USP11: variants seen among roughly 807,000 people sequenced by gnomAD.
The protein encoded by USP11 is ubiquitin specific peptidase 11.
Under a neutral mutation model 72.8 loss-of-function variants are expected in USP11, and 5 were observed. The ratio of observed to expected loss-of-function variants is 0.07; its 90% CI spans 0.04 to 0.14. The LOEUF (loss-of-function observed/expected upper bound fraction) is 0.14, where lower values mean the gene tolerates loss of function less well. USP11 is among the 10% of genes least tolerant of loss of function. The pLI, the probability that USP11 is intolerant of heterozygous loss-of-function variation, is 1.00. For synonymous variants in USP11, 368 were observed against 326.5 expected (o/e 1.13, Z -1.37); for missense variants, 480 against 794.7 (o/e 0.60, Z 4.76).
At position 47,240,840 on chromosome X, in the gene USP11, T is replaced by C; in HGVS notation, c.810T>C (p.Asn270=). 2 of 1,211,394 alleles carry C rather than the reference T, an allele frequency of 1.7e-6. No homozygotes were observed. Among genetic ancestry groups the C allele is most frequent in the Non-Finnish European group, 2.2e-6 (2 of 895,301 alleles). The change falls in exon 7 of 21, where the codon AAT becomes AAC. Residue 270 remains asparagine, a synonymous_variant. Coordinates refer to ENST00000377107, the MANE Select transcript of USP11 (RefSeq NM_001371072.1). ...AGCCAGGCATCTGTGGCCTCACCAATCTGGGCAACACGTGCTTCATGAACT... is the reference window on the plus strand; with the variant it reads ...AGCCAGGCATCTGTGGCCTCACCAACCTGGGCAACACGTGCTTCATGAACT... The part of the protein sequence containing the change: ...KGQPGICGLT[N]LGNTCFMNSA...
rs1277204724 is a variant in USP11, at chrX:47,247,593, ACT to A, written c.2537-14_2537-13del. The A allele has an allele frequency of 1.7e-6, 2 of 1,203,758 alleles. No individual in the cohort carries two copies. The highest frequency in any genetic ancestry group is 1.8e-5 in the African/African-American group (1 of 56,354). ...GAGGCAGGAAGGGTAGGCGAGGATA[ACT>A]CTCCTTCCCTTTCAGACACAACATT... On this transcript the variant is annotated splice_polypyrimidine_tract_variant and intron_variant, in intron 19 of 20. Transcript: ENST00000377107.
chrX:47,237,151 A>T (rs899013493), intron 1 of USP11, among the ~76,000 whole-genome samples: 1 of 111,877 alleles, frequency 8.9e-6, no homozygotes, highest in African/African-American at 3.3e-5. Flanking sequence ...AGCAGTGCCT[A>T]CCTTTGCATT....
chrX:47,240,247 T>C, intron 4 of USP11, 58 bp from the exon 5 acceptor site: 2 of 1,185,269 alleles, frequency 1.7e-6, no homozygotes, highest in Admixed American at 2.3e-5. Context: ...TATGCCCAGA[T>C]GGATTGATCA....
chrX:47,243,759 C>T (rs1415063575), intron 13 of USP11, among the ~76,000 whole-genome samples, 157 bp downstream of exon 13: 2 of 111,939 alleles, frequency 1.8e-5, no homozygotes, highest in East Asian at 5.6e-4. Context: ...TTTCTCTAGA[C>T]CTCTGGCTTT....
intron 13 of USP11, 64 bp downstream of exon 13, chrX:47,243,666 C>T: frequency 9.4e-7 from 1 of 1,062,831 alleles, no homozygotes; most frequent in Non-Finnish European, 1.3e-6. Context: ...GGGTGTTTAG[C>T]TGCTTATTTG....
chrX:47,241,121 A>G, intron 7 of USP11, 156 bp from the exon 8 acceptor site: 1 of 608,779 alleles, frequency 1.6e-6, no homozygotes, highest in Non-Finnish European at 2.5e-6. Flanking sequence ...TGAAATCCTA[A>G]TGCCTTCTCT....
At chrX:47,244,206 C>T (rs1260603350) in intron 13 of USP11, among the ~76,000 whole-genome samples, 1 of 105,550 alleles carries the variant, frequency 9.5e-6, no homozygotes, top group Non-Finnish European at 1.9e-5. Context: ...TCAAGCGATT[C>T]TCCTGCCTCA....
Position 47,241,287 on chromosome X carries a change from A to G in USP11, c.857A>G (p.Asn286Ser), listed in dbSNP as rs779507275. The G allele has an allele frequency of 8.3e-7, 1 of 1,206,332 alleles. No individual in the cohort carries two copies. Among genetic ancestry groups the G allele is most frequent in the South Asian group, 1.8e-5 (1 of 55,761 alleles). Residue 286 changes from asparagine to serine, a missense_variant, in exon 8 of 21, where the codon AAT becomes AGT. Asn to Ser is a conservative substitution (Grantham distance 46). Coordinates refer to ENST00000377107, the MANE Select transcript of USP11 (RefSeq NM_001371072.1). ...CTCTGGCCTCTGCAGTGCCTCAGCAATGTGCCACAGCTCACCGAGTACTTC... is the reference window on the plus strand; with the variant it reads ...CTCTGGCCTCTGCAGTGCCTCAGCAGTGTGCCACAGCTCACCGAGTACTTC... ...FMNSALQCLS[N>S]VPQLTEYFLN...
In USP11 at chrX:47,247,867, T is replaced by G. The variant is rs1450340674; in HGVS notation, c.2700T>G (p.Ser900=). The G allele has an allele frequency of 8.3e-7, 1 of 1,202,659 alleles. No individual in the cohort carries two copies. The highest frequency in any genetic ancestry group is 1.1e-6 in the Non-Finnish European group (1 of 893,134). Residue 900 remains serine (S), a synonymous_variant, in exon 21 of 21, where the codon TCT becomes TCG. Coordinates refer to ENST00000377107, the MANE Select transcript of USP11 (RefSeq NM_001371072.1). ...ARRLLSPAGS[S]GAPASPACSS... ...GCCTGCTGTCCCCGGCCGGCTCATC[T>G]GGCGCCCCAGCCTCCCCTGCCTGCA...
intron 19 of USP11, 82 bp downstream of exon 19, chrX:47,247,501 G>T: frequency 8.6e-7 from 1 of 1,161,102 alleles, no homozygotes; most frequent in South Asian, 1.8e-5. Flanking sequence ...GAGTGACTAG[G>T]GATGTGAGCC....
chrX:47,243,284 T>A (rs2055413593), intron 12 of USP11, 112 bp from the exon 13 acceptor site: 14 of 699,262 alleles, frequency 2.0e-5, no homozygotes, highest in South Asian at 9.9e-5. Context: ...AATAAATAAA[T>A]AAAAATAAAA....
chrX:47,238,187 CT>C (rs756979418), intron 1 of USP11, among the ~76,000 whole-genome samples: 1,125 of 84,315 alleles, frequency 0.013, 4 homozygotes, highest in Middle Eastern at 0.047. Flanking sequence ...ATATGCAGTT[CT>C]TTTTTTTTTT....
At chrX:47,243,933 C>G (rs946653190) in intron 13 of USP11, among the ~76,000 whole-genome samples, 2 of 110,925 alleles carry the variant, frequency 1.8e-5, no homozygotes, top group Non-Finnish European at 3.8e-5. Context: ...TGCCTAAAAT[C>G]TAGAGTCTTT....
chrX:47,247,729 C>G (rs752814951), intron 20 of USP11, 30 bp downstream of exon 20: 1 of 1,210,139 alleles, frequency 8.3e-7, no homozygotes, highest in Non-Finnish European at 1.1e-6. Context: ...TCCTCCCCTT[C>G]TTCCTTTCTG....
chrX:47,239,268 T>C (rs759075581), intron 2 of USP11, 83 bp from the exon 3 acceptor site: 1 of 1,177,668 alleles, frequency 8.5e-7, no homozygotes, highest in East Asian at 3.1e-5. Context: ...TTCTGTGTGC[T>C]AGGTCACTGG....
chrX:47,248,255 G>C lies in USP11; in HGVS notation c.*325G>C. On this transcript the variant is annotated 3_prime_UTR_variant, in exon 21 of 21. Coordinates refer to ENST00000377107, the MANE Select transcript of USP11 (RefSeq NM_001371072.1). ...GGTGATGGGGGTTCACCTGAACACA[G>C]AGTGTATTTTCTTATTGAGGCCCTG... 1 of 259,672 alleles carries C rather than the reference G, an allele frequency of 3.9e-6. No homozygotes were observed. Among genetic ancestry groups the C allele is most frequent in the Non-Finnish European group, 6.7e-6 (1 of 148,267 alleles). The allele number at this position is 259,672 out of a possible 1,213,427, so 21.4% of individuals were successfully genotyped here. A position where few individuals can be genotyped will look rare whatever the true frequency, so the allele number is the denominator to read the frequency against.
chrX:47,240,562 C>T (rs747895097), intron 5 of USP11, 25 bp from the exon 6 acceptor site: 35 of 1,209,868 alleles, frequency 2.9e-5, no homozygotes, highest in Non-Finnish European at 3.7e-5. Flanking sequence ...TAATACCTTT[C>T]CTTCTTTCTC....
chrX:47,242,705 G>A lies in USP11; in HGVS notation c.1568G>A (p.Arg523His). The A allele has an allele frequency of 8.3e-7, 1 of 1,206,771 alleles. No homozygotes were observed. Among genetic ancestry groups the A allele is most frequent in the Non-Finnish European group, 1.1e-6 (1 of 890,870 alleles). ...GAGCCTCTGAGCAGCATCTTGGACC[G>A]TGATGATATCTTCGTGTGAGTGGGG... ...LEEPLSSILD[R>H]DDIFVYEVSG... Residue 523 changes from arginine (R) to histidine (H), a missense_variant, in exon 12 of 21, where the codon CGT (arginine) becomes CAT (histidine). By Grantham distance (29) the Arg-to-His change is conservative. Transcript: ENST00000377107.
At position 47,242,587 on chromosome X, in the gene USP11, G is replaced by A. The variant is rs374642785; in HGVS notation, c.1489-39G>A. 3.2e-5 allele frequency: 39 copies of A among 1,201,630 alleles called. No homozygotes were observed. The African/African-American group carries it at 5.1e-4, about 16-fold the overall frequency. On this transcript the variant is annotated intron_variant, in intron 11 of 20. Transcript: ENST00000377107. The stretch of plus-strand genomic sequence containing the variant: ...AGGAGGCAGAAGGGCCTGGGAGGCC[G>A]TGCAGACTAACAGTCCCCTCTCCAT...
Sources: allele counts gnomAD v4.1 joint callset (sites outside exome capture counted in the v4.1 genomes callset), GRCh38; gene constraint gnomAD v4.1.1; transcripts MANE v1.5; gene names NCBI Gene and HGNC (gene_info 2026-07-23, HGNC 2026-07-21).